ZNF385D: variants seen among roughly 807,000 people sequenced by gnomAD.
The protein encoded by ZNF385D is zinc finger protein 659.
A neutral mutation model predicts 35.8 loss-of-function variants in ZNF385D; 15 were observed. The observed-to-expected ratio is 0.42, with a 90% confidence interval of 0.28 to 0.64. The LOEUF (loss-of-function observed/expected upper bound fraction) is 0.64. Ranked by LOEUF, ZNF385D falls within the 30% of genes least tolerant of loss-of-function variation. The pLI is 0.23. For missense variants in ZNF385D, 474 were observed against 494.6 expected (o/e 0.96, Z 0.39); for synonymous variants, 212 against 186.8 (o/e 1.13, Z -1.10).
rs1696660021 is a variant in ZNF385D at position 21,855,519 on chromosome 3, G to T, written c.326-190491C>A. Among the ~76,000 whole-genome samples, 3 of 151,932 alleles carry T rather than the reference G, an allele frequency of 2.0e-5. No individual in the cohort carries two copies. In the South Asian group the frequency reaches 6.2e-4, roughly 32 times the overall value. ...TCTAGATTCCATTGCTTTCCTATTT[G>T]CAAAGAAAGTTAGAATCACTGCATT... On this transcript the variant is annotated intron_variant, in intron 3 of 5. Transcript: ENST00000494108.
At chr3:22,362,519 T>C (rs1157991128) in intron 2 of ZNF385D, among the ~76,000 whole-genome samples, 2 of 152,128 alleles carry the variant, frequency 1.3e-5, no homozygotes, top group South Asian at 2.1e-4. Flanking sequence ...TAACCAGTAA[T>C]TGAGATGTGT....
chr3:21,713,053 T>G (rs1400986882), intron 1 of ZNF385D, among the ~76,000 whole-genome samples: 1 of 152,206 alleles, frequency 6.6e-6, no homozygotes, highest in Non-Finnish European at 1.5e-5. Flanking sequence ...CTATGCCAAC[T>G]TGGCCATCCT....
chr3:21,515,683 T>C (rs1424722283), intron 3 of ZNF385D, among the ~76,000 whole-genome samples: 1 of 152,158 alleles, frequency 6.6e-6, no homozygotes, highest in African/African-American at 2.4e-5. Flanking sequence ...AAGCTAACCA[T>C]GGGAGAAATT....
rs193008101 is a variant in ZNF385D, at chr3:22,060,744, T to C, written c.325+108073A>G. On this transcript the variant is annotated intron_variant, in intron 3 of 5. Coordinates refer to the ZNF385D transcript ENST00000494108. ...ATATAGATTATTATTGGGTTAGCACTGTTCAACTAGAAAATAAGAAAGTCT... is the reference window on the plus strand; with the variant it reads ...ATATAGATTATTATTGGGTTAGCACCGTTCAACTAGAAAATAAGAAAGTCT... 2.5e-3 allele frequency among the ~76,000 whole-genome samples: 383 copies of C among 152,218 alleles called. 2 individuals are homozygous for C. Among genetic ancestry groups the C allele is most frequent in the African/African-American group, 8.0e-3 (334 of 41,562 alleles).
At chr3:22,139,130 G>A (rs1233008678) in intron 3 of ZNF385D, among the ~76,000 whole-genome samples, 2 of 152,310 alleles carry the variant, frequency 1.3e-5, no homozygotes, top group African/African-American at 4.8e-5. Flanking sequence ...TACTGGAGAG[G>A]ATGTGGAGAA....
chr3:22,357,864 A>C (rs1382558145), intron 2 of ZNF385D, among the ~76,000 whole-genome samples: 1 of 151,892 alleles, frequency 6.6e-6, no homozygotes, highest in Non-Finnish European at 1.5e-5. Flanking sequence ...ATCTAACTTC[A>C]AGGGGGTGGA....
At position 22,139,148 on chromosome 3, in the gene ZNF385D, C is replaced by T. The variant is rs1235391414; in HGVS notation, c.325+29669G>A. On this transcript the variant is annotated intron_variant, in intron 3 of 5. Coordinates refer to the ZNF385D transcript ENST00000494108. ...TGGAGAGGATGTGGAGAAATAGGAA[C>T]ACTTTTACACTGTTGGTGGGACTGT... 5.3e-5 allele frequency among the ~76,000 whole-genome samples: 8 copies of T among 152,192 alleles called. No homozygotes were observed. In the East Asian group the frequency reaches 1.2e-3, roughly 22 times the overall value.
chr3:22,038,761 AC>A (rs940587572), intron 3 of ZNF385D, among the ~76,000 whole-genome samples: 4 of 151,974 alleles, frequency 2.6e-5, no homozygotes, highest in Non-Finnish European at 5.9e-5. Context: ...GATTTCATAC[AC>A]ACTAAGGAAA....
At chr3:22,312,192 GATACTGTTCTGATA>G (rs995265027) in intron 2 of ZNF385D, among the ~76,000 whole-genome samples, 8 of 152,078 alleles carry the variant, frequency 5.3e-5, no homozygotes, top group African/African-American at 1.9e-4. Context: ...GGCTTGTGCC[GATACTGTTCTGATA>G]ATCATCTTCC....
intron 2 of ZNF385D, among the ~76,000 whole-genome samples, chr3:21,602,989 CT>C (rs749407704): frequency 6.6e-6 from 1 of 152,202 alleles, no homozygotes; most frequent in South Asian, 2.1e-4. Flanking sequence ...GTCATACCCC[CT>C]CTTGCTTCTT....
chr3:22,356,647 A>T (rs1305928993), intron 2 of ZNF385D, among the ~76,000 whole-genome samples: 2 of 152,014 alleles, frequency 1.3e-5, no homozygotes, highest in Admixed American at 1.3e-4. Context: ...TAGATAATAC[A>T]TAGAATGCAA....
rs796617234 is a variant in ZNF385D, at chr3:21,790,524, GA to G, written c.326-125497del. 9.3e-4 allele frequency among the ~76,000 whole-genome samples: 142 copies of G among 152,172 alleles called. 1 individual carries two copies. Among genetic ancestry groups the G allele is most frequent in the African/African-American group, 3.2e-3 (131 of 41,512 alleles). ...TCTTTTAAAATGAAAAAAGATTACT[GA>G]AAAAAATAAAGAGAAGAAAATGTCA... On this transcript the variant is annotated intron_variant, in intron 3 of 5. Coordinates refer to the ZNF385D transcript ENST00000494108.
At chr3:21,466,736 T>C (rs1703541981) in intron 4 of ZNF385D, among the ~76,000 whole-genome samples, 1 of 152,212 alleles carries the variant, frequency 6.6e-6, no homozygotes, top group South Asian at 2.1e-4. Context: ...TTATTTCCTC[T>C]GATGCCATGA....
chr3:21,665,160 C>A, intron 1 of ZNF385D, 132 bp from the exon 2 acceptor site: 1 of 1,191,952 alleles, frequency 8.4e-7, no homozygotes, highest in Non-Finnish European at 1.1e-6. Flanking sequence ...CTATTGACCT[C>A]AACTGGGAAC....
At chr3:21,672,681 T>C (rs144271370) in intron 1 of ZNF385D, among the ~76,000 whole-genome samples, 4 of 152,316 alleles carry the variant, frequency 2.6e-5, no homozygotes, top group East Asian at 1.9e-4. Context: ...TCAGTTGTGG[T>C]ATTTAAATAT....
At chr3:21,811,851 C>T (rs2072933792) in intron 3 of ZNF385D, among the ~76,000 whole-genome samples, 1 of 152,120 alleles carries the variant, frequency 6.6e-6, no homozygotes, top group African/African-American at 2.4e-5. Flanking sequence ...TGTTAAATGG[C>T]TCATGGATGG....
intron 2 of ZNF385D, among the ~76,000 whole-genome samples, chr3:21,641,763 A>T (rs551699594): frequency 1.5e-4 from 23 of 151,880 alleles, no homozygotes; most frequent in Non-Finnish European, 2.6e-4. Context: ...GGAGAGACAA[A>T]GAAATTATTT....
At chr3:22,169,008 C>T (rs1706514572) in exon 3 of ZNF385D, 1 of 985,728 alleles carries the variant, frequency 1.0e-6, no homozygotes, top group South Asian at 4.7e-5. Context: ...TTCAGCCTCA[C>T]TCTCGCCATC....
At chr3:22,344,349 G>A (rs894048832) in intron 2 of ZNF385D, among the ~76,000 whole-genome samples, 14 of 151,930 alleles carry the variant, frequency 9.2e-5, no homozygotes, top group African/African-American at 2.2e-4. Context: ...TAAAATCAAG[G>A]ATAATATTAC....
Sources: allele counts gnomAD v4.1 joint callset (sites outside exome capture counted in the v4.1 genomes callset), GRCh38; gene constraint gnomAD v4.1.1; transcripts MANE v1.5; gene names NCBI Gene and HGNC (gene_info 2026-07-23, HGNC 2026-07-21).